The following TAFA4 variants were observed in gnomAD, a reference collection of about 807,000 sequenced individuals.
TAFA4 encodes chemokine-like protein TAFA-4.
A neutral mutation model predicts 21.1 loss-of-function variants in TAFA4; 20 were observed. The observed-to-expected ratio is 0.95, with a 90% confidence interval of 0.67 to 1.38. The LOEUF is 1.38. TAFA4 is among the 40% of genes most tolerant of loss of function. The pLI is 0.00. For missense variants in TAFA4, 211 were observed against 180.9 expected (o/e 1.17, Z -0.95); for synonymous variants, 71 against 67.4 (o/e 1.05, Z -0.26).
chr3:68,881,068 G>C (rs914695035), intron 2 of TAFA4, among the ~76,000 whole-genome samples: 1 of 152,308 alleles, frequency 6.6e-6, no homozygotes, highest in African/African-American at 2.4e-5. Context: ...TTAGCACTAT[G>C]CATCAGTGAG....
intron 1 of TAFA4, among the ~76,000 whole-genome samples, chr3:68,896,225 T>C (rs562225720): frequency 1.3e-5 from 2 of 152,306 alleles, no homozygotes; most frequent in East Asian, 3.9e-4. Context: ...TAGAATTTTA[T>C]TCCAAATGTG....
chr3:68,900,383 T>G (rs952271604), intron 1 of TAFA4, among the ~76,000 whole-genome samples: 2 of 151,936 alleles, frequency 1.3e-5, no homozygotes, highest in African/African-American at 4.8e-5. Context: ...AGCAATATAA[T>G]TCCAATAGTA....
chr3:68,917,862 T>C (rs1480295288), intron 1 of TAFA4, among the ~76,000 whole-genome samples: 1 of 151,508 alleles, frequency 6.6e-6, no homozygotes, highest in African/African-American at 2.4e-5. Context: ...GAGTTTTCAC[T>C]CTGACACCCA....
intron 1 of TAFA4, among the ~76,000 whole-genome samples, chr3:68,905,783 T>C (rs1184021860): frequency 1.3e-5 from 2 of 152,142 alleles, no homozygotes; most frequent in Non-Finnish European, 2.9e-5. Context: ...GAGTTCTCAT[T>C]GGTCAGGGGG....
intron 3 of TAFA4, among the ~76,000 whole-genome samples, chr3:68,810,948 C>T (rs945769186): frequency 3.9e-5 from 6 of 152,286 alleles, no homozygotes; most frequent in South Asian, 2.1e-4. Flanking sequence ...ACACCTCACA[C>T]GGCCAGGTAC....
intron 1 of TAFA4, among the ~76,000 whole-genome samples, chr3:68,907,229 T>G (rs1286427841): frequency 2.0e-5 from 3 of 152,054 alleles, no homozygotes; most frequent in African/African-American, 7.2e-5. Flanking sequence ...ATATCCAAAG[T>G]AGCCACAGAA....
At chr3:68,785,089 C>T (rs866110493) in intron 3 of TAFA4, among the ~76,000 whole-genome samples, 7 of 152,148 alleles carry the variant, frequency 4.6e-5, no homozygotes, top group African/African-American at 9.7e-5. Flanking sequence ...TACAAAGTGT[C>T]GATTGGTGCA....
intron 3 of TAFA4, among the ~76,000 whole-genome samples, chr3:68,811,979 G>C (rs997401870): frequency 1.5e-4 from 23 of 152,278 alleles, no homozygotes; most frequent in Non-Finnish European, 2.5e-4. Flanking sequence ...GGATCTCTCA[G>C]CAGAAACTCT....
chr3:68,809,272 C>T (rs1237402742), intron 3 of TAFA4, among the ~76,000 whole-genome samples: 2 of 152,096 alleles, frequency 1.3e-5, no homozygotes, highest in East Asian at 1.9e-4. Flanking sequence ...AATGAAAGCA[C>T]AGAATCAATC....
At chr3:68,821,191 C>G (rs1704107307) in intron 3 of TAFA4, among the ~76,000 whole-genome samples, 1 of 152,110 alleles carries the variant, frequency 6.6e-6, no homozygotes, top group Admixed American at 6.6e-5. Flanking sequence ...TGAACCACTG[C>G]CAAAATATAC....
chr3:68,733,543 T>A (rs73104782), intron 5 of TAFA4, among the ~76,000 whole-genome samples: 30,891 of 152,204 alleles, frequency 0.2, 4,229 homozygotes, highest in Admixed American at 0.31. Context: ...TTGCCTTTTT[T>A]ATGTTATTTT....
intron 5 of TAFA4, among the ~76,000 whole-genome samples, chr3:68,736,796 A>G (rs768976280): frequency 6.6e-6 from 1 of 152,174 alleles, no homozygotes; most frequent in Admixed American, 6.6e-5. Context: ...TGTTTTATGC[A>G]GTTCAAGTCA....
intron 3 of TAFA4, among the ~76,000 whole-genome samples, chr3:68,779,523 A>G (rs1703114063): frequency 6.6e-6 from 1 of 152,102 alleles, no homozygotes; most frequent in Non-Finnish European, 1.5e-5. Context: ...GCATCTAGGG[A>G]CTTAGTGCCC....
intron 1 of TAFA4, among the ~76,000 whole-genome samples, chr3:68,888,437 C>T (rs2089696027): frequency 6.6e-6 from 1 of 152,100 alleles, no homozygotes; most frequent in South Asian, 2.1e-4. Flanking sequence ...CACAGCAATA[C>T]AGTTTTTCAG....
In TAFA4 at chr3:68,733,017, C is replaced by CAT. The variant is rs1702176757; in HGVS notation, c.*123_*124dup. On this transcript the variant is annotated 3_prime_UTR_variant, in exon 6 of 6. Coordinates refer to ENST00000295569, the MANE Select transcript of TAFA4 (RefSeq NM_182522.5). ...AGTGAATGCCACCTCTCACAGCTCA[C>CAT]ATATACAAATATGAAGTTGCTGAAA... 7.8e-6 allele frequency: 10 copies of CAT among 1,277,340 alleles called. No individual in the cohort carries two copies. The South Asian group carries it at 1.3e-4, about 17-fold the overall frequency. The allele number at this position is 1,277,340 out of a possible 1,614,324, so 79.1% of individuals were successfully genotyped here.
rs1365717586 is a variant in TAFA4 at position 68,821,903 on chromosome 3, C to A, written c.130+58827G>T. 2.6e-5 allele frequency among the ~76,000 whole-genome samples: 4 copies of A among 152,316 alleles called. No homozygotes were observed. In the East Asian group the frequency reaches 7.7e-4, roughly 29 times the overall value. ...CTATTTAAAGACTGTGCTGCCAAATCCATCACTTAAAAAGGTATTTGCAAA... is the reference window on the plus strand; with the variant it reads ...CTATTTAAAGACTGTGCTGCCAAATACATCACTTAAAAAGGTATTTGCAAA... On this transcript the variant is annotated intron_variant, in intron 3 of 5. Coordinates refer to ENST00000295569, the MANE Select transcript of TAFA4 (RefSeq NM_182522.5).
intron 1 of TAFA4, among the ~76,000 whole-genome samples, chr3:68,885,850 T>C (rs184900334): frequency 2.6e-4 from 39 of 152,234 alleles, no homozygotes; most frequent in African/African-American, 9.1e-4. Flanking sequence ...TAATCCACCA[T>C]ACCAAAATAT....
rs138488050 is a variant in TAFA4 at position 68,922,397 on chromosome 3, T to C, written c.-123+9843A>G. Among the ~76,000 whole-genome samples, 296 of 152,262 alleles carry C rather than the reference T, an allele frequency of 1.9e-3. 2 individuals carry two copies. The highest frequency in any genetic ancestry group is 6.8e-3 in the African/African-American group (283 of 41,540). Reference sequence around the variant, plus strand: ...AAGAATACTGGAATTTGGGGACCGGTATACCAAACAAGATCGATCATGTAA... The same window carrying C: ...AAGAATACTGGAATTTGGGGACCGGCATACCAAACAAGATCGATCATGTAA... On this transcript the variant is annotated intron_variant, in intron 1 of 5. Coordinates refer to ENST00000295569, the MANE Select transcript of TAFA4 (RefSeq NM_182522.5).
intron 1 of TAFA4, among the ~76,000 whole-genome samples, chr3:68,921,150 G>A (rs1003790199): frequency 1.3e-5 from 2 of 152,030 alleles, no homozygotes; most frequent in Admixed American, 6.6e-5. Flanking sequence ...CTAGTCGCAC[G>A]CAACACCCTG....
Sources: gnomAD v4.1 joint callset for allele counts (sites outside exome capture counted in the v4.1 genomes callset) on GRCh38, gnomAD v4.1.1 for gene constraint, MANE v1.5 for transcripts, NCBI Gene and HGNC (gene_info 2026-07-23, HGNC 2026-07-21) for gene names.